Variants in KLHL1 observed in about 807,000 individuals in gnomAD.
The protein encoded by KLHL1 is kelch-like protein 1.
In KLHL1, 47 loss-of-function variants were observed where a neutral mutation model predicts 77.7. That is an observed-to-expected ratio of 0.60 (90% CI 0.48 to 0.77). The LOEUF (loss-of-function observed/expected upper bound fraction) is 0.77, where lower values mean the gene tolerates loss of function less well. Among genes scored for constraint, KLHL1 ranks in the 30% least tolerant of loss-of-function variants. The pLI is 0.00. For missense variants in KLHL1, 925 were observed against 910.8 expected (o/e 1.02, Z -0.20); for synonymous variants, 360 against 325.2 (o/e 1.11, Z -1.15).
intron 4 of KLHL1, among the ~76,000 whole-genome samples, chr13:69,890,497 G>A (rs1221314694): frequency 6.6e-6 from 1 of 152,006 alleles, no homozygotes; most frequent in Admixed American, 6.6e-5. Context: ...CCTTATCACT[G>A]CTGAATAGCT....
intron 1 of KLHL1, among the ~76,000 whole-genome samples, chr13:69,981,702 T>C (rs1048015001): frequency 6.6e-6 from 1 of 151,856 alleles, no homozygotes; most frequent in Non-Finnish European, 1.5e-5. Context: ...TTTTAAAAAA[T>C]GTTCACATAT....
chr13:69,954,181 T>C (rs1883797465), intron 3 of KLHL1, among the ~76,000 whole-genome samples: 1 of 151,182 alleles, frequency 6.6e-6, no homozygotes. Context: ...GCTGCCCACA[T>C]CACACTGAGT....
intron 1 of KLHL1, among the ~76,000 whole-genome samples, chr13:70,105,296 G>A (rs1363072426): frequency 6.6e-6 from 1 of 151,714 alleles, no homozygotes; most frequent in Non-Finnish European, 1.5e-5. Flanking sequence ...TGTTTGTTCT[G>A]TTATTAGTTT....
At position 70,107,857 on chromosome 13, in the gene KLHL1, A is replaced by AGGCGAAGGCTGGAGCGCAGAC. The variant is rs1302284831; in HGVS notation, c.-179_-159dup. ...CGCTAGGTGGGCTGCGCGCTCTGCC[A>AGGCGAAGGCTGGAGCGCAGAC]GGCGAAGGCTGGAGCGCAGACGGCA... On this transcript the variant is annotated 5_prime_UTR_variant, in exon 1 of 11. Transcript: ENST00000377844. 5.0e-6 allele frequency: 3 copies of AGGCGAAGGCTGGAGCGCAGAC among 597,292 alleles called. No individual in the cohort carries two copies. Among genetic ancestry groups the AGGCGAAGGCTGGAGCGCAGAC allele is most frequent in the South Asian group, 5.4e-5 (2 of 37,332 alleles). 37.0% of individuals were successfully genotyped at this position (597,292 alleles called of 1,614,324 possible).
chr13:69,703,789 A>C (rs533964213), intron 10 of KLHL1, among the ~76,000 whole-genome samples: 2 of 151,828 alleles, frequency 1.3e-5, no homozygotes, highest in African/African-American at 4.8e-5. Context: ...ACGGTAACAT[A>C]CTTATATAGC....
intron 1 of KLHL1, among the ~76,000 whole-genome samples, chr13:69,980,222 T>C (rs563824665): frequency 3.1e-4 from 47 of 152,210 alleles, no homozygotes; most frequent in Non-Finnish European, 6.0e-4. Flanking sequence ...AGTTAGTTAC[T>C]TCCTCAAGGA....
rs116943539 is a variant in KLHL1 at position 69,859,545 on chromosome 13, A to T, written c.1228-20383T>A. ...AAAAAGGTTCCCGCATTTTCACCATAGTTCGAGTTCTCTGAGTCCTCAATA... is the reference window on the plus strand; with the variant it reads ...AAAAAGGTTCCCGCATTTTCACCATTGTTCGAGTTCTCTGAGTCCTCAATA... On this transcript the variant is annotated intron_variant, in intron 5 of 10. Transcript: ENST00000377844. Among the ~76,000 whole-genome samples the T allele has an allele frequency of 1.2e-4, 19 of 152,150 alleles. No homozygotes were observed. The East Asian group carries it at 3.5e-3, about 28-fold the overall frequency.
At chr13:69,878,697 C>CAT (rs200660318) in intron 5 of KLHL1, among the ~76,000 whole-genome samples, 2,074 of 149,026 alleles carry the variant, frequency 0.014, 48 homozygotes, top group African/African-American at 0.045. Context: ...TGTGTGTATG[C>CAT]ATATATATAT....
At chr13:69,947,658 A>T (rs1883574466) in intron 3 of KLHL1, among the ~76,000 whole-genome samples, 1 of 152,128 alleles carries the variant, frequency 6.6e-6, no homozygotes, top group African/African-American at 2.4e-5. Flanking sequence ...GTTTTTCTCA[A>T]AGAGTTTTAA....
chr13:69,912,818 G>A (rs1445772788), intron 4 of KLHL1, among the ~76,000 whole-genome samples: 1 of 151,922 alleles, frequency 6.6e-6, no homozygotes, highest in Non-Finnish European at 1.5e-5. Context: ...TCCTGAAGAG[G>A]CCCCATGCTG....
chr13:69,772,099 C>T (rs2137984383), intron 7 of KLHL1, among the ~76,000 whole-genome samples: 1 of 152,088 alleles, frequency 6.6e-6, no homozygotes, highest in Admixed American at 6.5e-5. Flanking sequence ...TTACAGGCGC[C>T]TGCCACCACG....
At chr13:69,959,335 C>T (rs757243645) in intron 3 of KLHL1, among the ~76,000 whole-genome samples, 2 of 151,896 alleles carry the variant, frequency 1.3e-5, no homozygotes, top group South Asian at 4.1e-4. Flanking sequence ...GGAAGGATTC[C>T]TAAAATGTTA....
chr13:69,893,808 TATAA>T (rs1426624148), intron 4 of KLHL1, among the ~76,000 whole-genome samples: 1 of 152,216 alleles, frequency 6.6e-6, no homozygotes, highest in African/African-American at 2.4e-5. Context: ...CTTCAAGCAT[TATAA>T]ATATACAGTT....
At chr13:69,867,038 A>G (rs1880392787) in intron 5 of KLHL1, among the ~76,000 whole-genome samples, 1 of 152,134 alleles carries the variant, frequency 6.6e-6, no homozygotes, top group Non-Finnish European at 1.5e-5. Context: ...CCAAAAGAAC[A>G]GCAAGAGATA....
chr13:70,076,414 T>A (rs1593724175), intron 1 of KLHL1, among the ~76,000 whole-genome samples: 4 of 143,476 alleles, frequency 2.8e-5, no homozygotes, highest in Non-Finnish European at 6.1e-5. Flanking sequence ...TGGTTTTGGA[T>A]CAACTGGATT....
At chr13:69,733,586 A>G (rs1191186873) in intron 8 of KLHL1, among the ~76,000 whole-genome samples, 2 of 152,380 alleles carry the variant, frequency 1.3e-5, no homozygotes, top group Middle Eastern at 3.4e-3. Flanking sequence ...AGATATACAA[A>G]TGACTAATAC....
chr13:69,738,509 C>A (rs1256311517), intron 8 of KLHL1, among the ~76,000 whole-genome samples: 1 of 152,012 alleles, frequency 6.6e-6, no homozygotes, highest in East Asian at 1.9e-4. Context: ...TGATAAAACA[C>A]TACAGGAGCT....
chr13:69,897,081 C>T (rs757743918), intron 4 of KLHL1, among the ~76,000 whole-genome samples: 12 of 151,954 alleles, frequency 7.9e-5, no homozygotes, highest in African/African-American at 9.7e-5. Context: ...TCTAGTCAAC[C>T]GAACCCCTTG....
chr13:69,878,011 C>G (rs1187731337), intron 5 of KLHL1, among the ~76,000 whole-genome samples: 2 of 152,118 alleles, frequency 1.3e-5, no homozygotes, highest in Non-Finnish European at 2.9e-5. Context: ...ATGTCCAAGT[C>G]AAGTTGGTCA....
Sources: allele counts gnomAD v4.1 joint callset (sites outside exome capture counted in the v4.1 genomes callset), GRCh38; gene constraint gnomAD v4.1.1; transcripts MANE v1.5; gene names NCBI Gene and HGNC (gene_info 2026-07-23, HGNC 2026-07-21).